STAC: variants seen among roughly 807,000 people sequenced by gnomAD.
STAC encodes SH3 and cysteine-rich domain-containing protein.
Under a neutral mutation model 48.8 loss-of-function variants are expected in STAC, and 43 were observed. The observed-to-expected ratio is 0.88, with a 90% confidence interval of 0.69 to 1.14. STAC has a LOEUF of 1.14. Ranked by LOEUF, STAC falls within the 50% of genes most tolerant of loss-of-function variation. The pLI is 0.00. For synonymous variants in STAC, 193 were observed against 179.5 expected, an observed-to-expected ratio of 1.07 and a Z score of -0.60; for missense variants, 497 against 504.0, an observed-to-expected ratio of 0.99 and a Z score of 0.13.
intron 6 of STAC, among the ~76,000 whole-genome samples, chr3:36,494,471 T>C (rs1001327986): frequency 2.6e-5 from 4 of 152,184 alleles, no homozygotes; most frequent in Non-Finnish European, 5.9e-5. Flanking sequence ...CGATACCACA[T>C]AGCAGTTTTG....
At chr3:36,409,083 A>T (rs73059922) in intron 1 of STAC, among the ~76,000 whole-genome samples, 3,537 of 152,336 alleles carry the variant, frequency 0.023, 60 homozygotes, top group East Asian at 0.026. Flanking sequence ...AAAGGATTGA[A>T]GTCAAGGTCA....
intron 2 of STAC, among the ~76,000 whole-genome samples, chr3:36,447,690 C>CATTGA (rs1257515016): frequency 6.7e-6 from 1 of 150,244 alleles, no homozygotes; most frequent in Non-Finnish European, 1.5e-5. Flanking sequence ...CACACAAAGA[C>CATTGA]ATTGAACTAA....
intron 1 of STAC, among the ~76,000 whole-genome samples, chr3:36,441,219 G>T (rs1696338060): frequency 6.6e-6 from 1 of 151,914 alleles, no homozygotes; most frequent in African/African-American, 2.4e-5. Flanking sequence ...TCATTTTTTA[G>T]TAAAAAATCT....
chr3:36,529,618 C>T (rs1426220806), intron 10 of STAC, among the ~76,000 whole-genome samples: 9 of 152,072 alleles, frequency 5.9e-5, no homozygotes, highest in Admixed American at 5.9e-4. Context: ...AAAATGTGAA[C>T]CCCCACATTT....
intron 2 of STAC, among the ~76,000 whole-genome samples, chr3:36,473,624 C>T (rs1697403578): frequency 6.6e-6 from 1 of 152,146 alleles, no homozygotes; most frequent in Admixed American, 6.5e-5. Context: ...TTGTTGATGC[C>T]TTAAGCATGA....
chr3:36,433,913 A>G (rs1700765676), intron 1 of STAC, among the ~76,000 whole-genome samples: 1 of 152,220 alleles, frequency 6.6e-6, no homozygotes, highest in Non-Finnish European at 1.5e-5. Context: ...TAGATGTAAG[A>G]AGAATATTTC....
intron 8 of STAC, among the ~76,000 whole-genome samples, chr3:36,510,090 C>G (rs1698498715): frequency 6.6e-6 from 1 of 151,930 alleles, no homozygotes; most frequent in Non-Finnish European, 1.5e-5. Context: ...GCAGAATCGA[C>G]AAGGAACTTA....
At chr3:36,397,927 CTA>C (rs1476060100) in intron 1 of STAC, among the ~76,000 whole-genome samples, 1 of 151,868 alleles carries the variant, frequency 6.6e-6, no homozygotes, top group Non-Finnish European at 1.5e-5. Flanking sequence ...AAAAAAAAAC[CTA>C]AGCTCAATTT....
At position 36,493,155 on chromosome 3, in the gene STAC, C is replaced by T. The variant is rs775354362; in HGVS notation, c.692C>T (p.Ser231Leu). The T allele has an allele frequency of 6.2e-7, 1 of 1,613,032 alleles. No homozygotes were observed. Among genetic ancestry groups the T allele is most frequent in the Non-Finnish European group, 8.5e-7 (1 of 1,179,352 alleles). The change falls in exon 6 of 11, where the codon TCA becomes TTA. Residue 231 changes from serine (S) to leucine (L), a missense_variant. Physicochemically the swap from Ser to Leu is moderately radical, Grantham distance 145. Transcript: ENST00000273183. Reference protein sequence around the residue: ...GSDSPHRTSTSDLVEVPEEAN... With the variant: ...GSDSPHRTSTLDLVEVPEEAN... The stretch of plus-strand genomic sequence containing the variant: ...CTCTTTCTTCTTTCCTCCAAGACTT[C>T]AGATCTTGTGGAGGTTCCTGAGGAA...
intron 10 of STAC, among the ~76,000 whole-genome samples, chr3:36,540,539 T>C (rs1403196896): frequency 6.6e-6 from 1 of 151,892 alleles, no homozygotes; most frequent in Non-Finnish European, 1.5e-5. Context: ...GGTAAAAGTG[T>C]AAGTCAAAGA....
chr3:36,460,447 C>CA (rs1696984051), intron 2 of STAC, among the ~76,000 whole-genome samples: 1 of 151,974 alleles, frequency 6.6e-6, no homozygotes, highest in African/African-American at 2.4e-5. Context: ...CACTAACACA[C>CA]AAAAAAATTT....
chr3:36,488,838 A>G (rs1697887083), intron 5 of STAC, among the ~76,000 whole-genome samples: 1 of 152,092 alleles, frequency 6.6e-6, no homozygotes, highest in African/African-American at 2.4e-5. Context: ...TCGACCCTTA[A>G]AGAAAGGCTT....
intron 1 of STAC, among the ~76,000 whole-genome samples, chr3:36,397,477 T>C (rs1362197023): frequency 6.6e-6 from 1 of 152,224 alleles, no homozygotes; most frequent in Non-Finnish European, 1.5e-5. Context: ...TATTCAGTTA[T>C]ATATACTGTA....
intron 3 of STAC, among the ~76,000 whole-genome samples, chr3:36,483,566 C>T (rs1697715430): frequency 6.6e-6 from 1 of 152,166 alleles, no homozygotes; most frequent in South Asian, 2.1e-4. Context: ...TTAACAGAAT[C>T]TCCCAAACCA....
At chr3:36,516,310 T>C (rs1698672803) in intron 8 of STAC, among the ~76,000 whole-genome samples, 2 of 151,968 alleles carry the variant, frequency 1.3e-5, no homozygotes, top group African/African-American at 2.4e-5. Flanking sequence ...CATAGTGAGC[T>C]TAGAGTCCTG....
intron 8 of STAC, among the ~76,000 whole-genome samples, chr3:36,526,650 C>T (rs906395113): frequency 1.1e-4 from 17 of 152,110 alleles, no homozygotes; most frequent in African/African-American, 3.6e-4. Flanking sequence ...CAACTGTATT[C>T]ATAGCACCGC....
intron 10 of STAC, among the ~76,000 whole-genome samples, chr3:36,530,889 C>T (rs560106160): frequency 6.6e-6 from 1 of 152,236 alleles, no homozygotes; most frequent in Admixed American, 6.5e-5. Flanking sequence ...TGAGCCACTG[C>T]ACCTGGCCAA....
intron 1 of STAC, among the ~76,000 whole-genome samples, chr3:36,436,146 C>T (rs1700826915): frequency 1.3e-5 from 2 of 152,230 alleles, no homozygotes; most frequent in Non-Finnish European, 2.9e-5. Context: ...GGCAGTGCCA[C>T]TTGAATTCCA....
At position 36,443,920 on chromosome 3, in the gene STAC, T is replaced by C. The variant is rs1333481643; in HGVS notation, c.388+280T>C. On this transcript the variant is annotated intron_variant, in intron 2 of 10. Transcript: ENST00000273183. This position sits in a 1 kb window ranked among gnomAD's most constrained non-coding sequence, Gnocchi z 4.2. The stretch of plus-strand genomic sequence containing the variant: ...CTTTAGCGTGTTCTTGCATTGAGGC[T>C]CGAGGTCTGGGTCTTTGAACACCTG... 6.6e-6 allele frequency among the ~76,000 whole-genome samples: 1 copy of C among 152,164 alleles called. No individual in the cohort carries two copies. The highest frequency in any genetic ancestry group is 1.9e-4 in the East Asian group (1 of 5,186).
Sources: gnomAD v4.1 joint callset for allele counts (sites outside exome capture counted in the v4.1 genomes callset) on GRCh38, gnomAD v4.1.1 for gene constraint, Gnocchi (gnomAD v3.1) non-coding constraint, MANE v1.5 for transcripts, NCBI Gene and HGNC (gene_info 2026-07-23, HGNC 2026-07-21) for gene names.